NANOS3: variants seen among roughly 807,000 people sequenced by gnomAD.
NANOS3 encodes nanos homolog 3.
In NANOS3, 11 loss-of-function variants were observed where a neutral mutation model predicts 13.8. The ratio of observed to expected loss-of-function variants is 0.80; its 90% CI spans 0.50 to 1.32. NANOS3 has a LOEUF of 1.32. Ranked by LOEUF, NANOS3 falls within the 40% of genes most tolerant of loss-of-function variation. The pLI is 0.00. For missense variants in NANOS3, 221 were observed against 263.8 expected (o/e 0.84, Z 1.12); for synonymous variants, 119 against 115.4 (o/e 1.03, Z -0.20).
At chr19:13,871,342 C>T (rs1568363165) in intron 1 of NANOS3, among the ~76,000 whole-genome samples, 1 of 152,140 alleles carries the variant, frequency 6.6e-6, no homozygotes, top group Admixed American at 6.5e-5. Flanking sequence ...CCCAGACAGA[C>T]GACCCTGGGA....
chr19:13,862,870 G>A (rs1976178835), upstream of NANOS3, among the ~76,000 whole-genome samples: 2 of 152,210 alleles, frequency 1.3e-5, no homozygotes, highest in African/African-American at 2.4e-5. Context: ...TACCACCTTG[G>A]GCAAGGGCAG....
chr19:13,877,610 G>A lies in NANOS3; in HGVS notation c.362G>A (p.Arg121His), dbSNP rs1223622137. The part of the protein sequence containing the change: ...VCPQCGATRE[R>H]AHTRRFCPLT... Reference sequence around the variant, plus strand: ...CCCCAGTGCGGCGCCACACGTGAGCGCGCCCACACCCGACGCTTCTGCCCA... The same window carrying A: ...CCCCAGTGCGGCGCCACACGTGAGCACGCCCACACCCGACGCTTCTGCCCA... The change falls in exon 1 of 2, where the codon CGC (arginine) becomes CAC (histidine). Residue 121 changes from arginine (R) to histidine (H), a missense_variant. Physicochemically the swap from Arg to His is conservative, Grantham distance 29. Around this residue, in one of 3 missense-constraint regions of NANOS3, gnomAD observed 49 missense variants for 91.0 expected, o/e 0.54. Transcript: ENST00000339133. The A allele has an allele frequency of 8.1e-6, 13 of 1,611,968 alleles. No individual in the cohort carries two copies. Among genetic ancestry groups the A allele is most frequent in the South Asian group, 1.1e-5 (1 of 91,074 alleles).
Position 13,870,247 on chromosome 19 carries a change from G to A in NANOS3, n.21+4810G>A, listed in dbSNP as rs1036633537. On this transcript the variant is annotated intron_variant and non_coding_transcript_variant, in intron 1 of 2. Coordinates refer to the NANOS3 transcript ENST00000591161. ...GGCGCACACCACCACACCCGGCTAAGTTTTTCTATTTTTAGTTGAGCCAGG... is the reference window on the plus strand; with the variant it reads ...GGCGCACACCACCACACCCGGCTAAATTTTTCTATTTTTAGTTGAGCCAGG... 6.6e-5 allele frequency among the ~76,000 whole-genome samples: 10 copies of A among 151,710 alleles called. 1 individual carries two copies. The highest frequency in any genetic ancestry group is 4.6e-4 in the Admixed American group (7 of 15,230).
intron 1 of NANOS3, among the ~76,000 whole-genome samples, chr19:13,869,004 A>G (rs985896813): frequency 3.3e-5 from 5 of 151,984 alleles, no homozygotes; most frequent in African/African-American, 1.2e-4. Context: ...AGACACCCAC[A>G]GAACCCCCCA....
chr19:13,862,387 C>A (rs1316922970), upstream of NANOS3, among the ~76,000 whole-genome samples: 2 of 152,132 alleles, frequency 1.3e-5, no homozygotes, highest in East Asian at 3.9e-4. Context: ...AGATCAGTCC[C>A]GCCGGCCTCC....
upstream of NANOS3, chr19:13,865,299 G>A (rs1250756065): frequency 2.0e-5 from 1 of 50,278 alleles, no homozygotes; most frequent in African/African-American, 7.9e-5. Flanking sequence ...CCCCCCCCCC[G>A]CCCACGGCCT....
At chr19:13,880,110 T>C (rs1968601313) in intron 1 of NANOS3, among the ~76,000 whole-genome samples, 1 of 152,148 alleles carries the variant, frequency 6.6e-6, no homozygotes, top group Admixed American at 6.5e-5. Flanking sequence ...TGGGAGACGC[T>C]GGAGGCCAAA....
chr19:13,879,677 G>A (rs1968590721), intron 1 of NANOS3, among the ~76,000 whole-genome samples: 1 of 151,884 alleles, frequency 6.6e-6, no homozygotes, highest in African/African-American at 2.4e-5. Context: ...GCAGTGAGCT[G>A]AGATGGTGCC....
At chr19:13,865,353 C>A (rs1976218124), upstream of NANOS3, 1 of 146,578 alleles carries the variant, frequency 6.8e-6, no homozygotes, top group Non-Finnish European at 1.5e-5. Flanking sequence ...ATGCAATTTC[C>A]CGTGCAGGCG....
chr19:13,876,198 G>A (rs1968506370), upstream of NANOS3, among the ~76,000 whole-genome samples: 1 of 152,160 alleles, frequency 6.6e-6, no homozygotes. Flanking sequence ...GAGTGCAGTG[G>A]CTTGATCTTG....
upstream of NANOS3, among the ~76,000 whole-genome samples, chr19:13,862,507 A>T (rs1976173581): frequency 6.6e-6 from 1 of 151,484 alleles, no homozygotes; most frequent in Non-Finnish European, 1.5e-5. Flanking sequence ...AAGGCCTCGC[A>T]CAGAAAGAAT....
chr19:13,870,755 T>A (rs1395920792), intron 1 of NANOS3, among the ~76,000 whole-genome samples: 1 of 151,402 alleles, frequency 6.6e-6, no homozygotes, highest in Admixed American at 6.6e-5. Context: ...TTTGTTTGTA[T>A]TTTTAGTAGA....
upstream of NANOS3, chr19:13,865,292 C>CG (rs914781522): frequency 4.1e-5 from 6 of 146,070 alleles, no homozygotes; most frequent in South Asian, 2.1e-4. Flanking sequence ...GCCCCCTCCC[C>CG]CCCCCCGCCC....
chr19:13,867,307 C>G (rs1276656372), intron 1 of NANOS3, among the ~76,000 whole-genome samples: 1 of 152,008 alleles, frequency 6.6e-6, no homozygotes, highest in African/African-American at 2.4e-5. Flanking sequence ...TGCAGTGGCA[C>G]GATCTAGGCT....
chr19:13,869,306 G>A (rs546976507), intron 1 of NANOS3, among the ~76,000 whole-genome samples: 1 of 152,034 alleles, frequency 6.6e-6, no homozygotes, highest in Non-Finnish European at 1.5e-5. Flanking sequence ...GAGCCACCGT[G>A]CCCGGCCTGA....
intron 1 of NANOS3, among the ~76,000 whole-genome samples, chr19:13,878,718 G>A (rs1277836988): frequency 4.7e-5 from 7 of 149,810 alleles, no homozygotes; most frequent in Non-Finnish European, 8.9e-5. Context: ...GGGTTCAAGC[G>A]ATTCTCCTGC....
intron 1 of NANOS3, among the ~76,000 whole-genome samples, chr19:13,868,675 G>A (rs1197522431): frequency 4.9e-5 from 6 of 122,380 alleles, no homozygotes; most frequent in Non-Finnish European, 9.4e-5. Context: ...GCGAGACCTA[G>A]TCTCTTTTAA....
At chr19:13,878,830 C>T (rs772628800) in intron 1 of NANOS3, among the ~76,000 whole-genome samples, 5 of 151,778 alleles carry the variant, frequency 3.3e-5, no homozygotes, top group African/African-American at 9.7e-5. Context: ...TTTCCCAGGC[C>T]GGTCTCAAAC....
upstream of NANOS3, among the ~76,000 whole-genome samples, chr19:13,862,370 A>C (rs886483188): frequency 6.6e-6 from 1 of 151,992 alleles, no homozygotes; most frequent in Non-Finnish European, 1.5e-5. Flanking sequence ...GACTGCGCTG[A>C]GAGCTGAGAT....
Sources: allele counts gnomAD v4.1 joint callset (sites outside exome capture counted in the v4.1 genomes callset), GRCh38; gene constraint gnomAD v4.1.1; regional missense constraint gnomAD v4.1.1; transcripts MANE v1.5; gene names NCBI Gene and HGNC (gene_info 2026-07-23, HGNC 2026-07-21).